The following ASB1 variants were observed in gnomAD, a reference collection of about 807,000 sequenced individuals.
ASB1 encodes ankyrin repeat and SOCS box protein 1.
ASB1 carries 18 observed loss-of-function variants against 27.7 expected under a neutral mutation model. The observed-to-expected ratio is 0.65, with a 90% CI of 0.45 to 0.96. The LOEUF is 0.96. Among genes scored for constraint, ASB1 ranks in the 50% least tolerant of loss-of-function variants. The pLI is 0.00. For missense variants in ASB1, 397 were observed against 451.7 expected, an observed-to-expected ratio of 0.88 and a Z score of 1.10; for synonymous variants, 189 against 187.6, an observed-to-expected ratio of 1.01 and a Z score of -0.06.
At chr2:238,431,737 AG>A (rs1378159598) in intron 1 of ASB1, among the ~76,000 whole-genome samples, 1 of 150,416 alleles carries the variant, frequency 6.6e-6, no homozygotes. Context: ...GGGAACAGGG[AG>A]GCCTGAGGAG....
intron 3 of ASB1, among the ~76,000 whole-genome samples, chr2:238,437,587 A>G (rs1235085705): frequency 6.7e-6 from 1 of 149,616 alleles, no homozygotes; most frequent in South Asian, 2.1e-4. Flanking sequence ...TTTCAACCAG[A>G]TTGTTTTTAT....
chr2:238,437,841 A>G (rs1428607527), intron 3 of ASB1, among the ~76,000 whole-genome samples: 7 of 152,188 alleles, frequency 4.6e-5, no homozygotes, highest in Admixed American at 4.6e-4. Context: ...TAAATTAGGT[A>G]CTGAGAATAT....
rs572072029 is a variant in ASB1, at chr2:238,435,843, C to T, written c.324C>T (p.Asp108=). The T allele has an allele frequency of 2.4e-5, 38 of 1,614,208 alleles. No homozygotes were observed. The East Asian group carries it at 4.2e-4, about 18-fold the overall frequency. ...IRKGAEVDLV[D]VKGQTALYVA... ...AGGGGGCCGAGGTGGATCTGGTGGA[C>T]GTAAAAGGACAGACGGCCCTGTATG... Residue 108 remains aspartate (D), a synonymous_variant, in exon 3 of 5, where the codon GAC becomes GAT. Coordinates refer to ENST00000264607, the MANE Select transcript of ASB1 (RefSeq NM_001040445.3).
At chr2:238,434,620 T>C (rs747828724) in intron 2 of ASB1, among the ~76,000 whole-genome samples, 8 of 152,276 alleles carry the variant, frequency 5.3e-5, no homozygotes, top group Admixed American at 1.3e-4. Context: ...AAAACAGATA[T>C]CAGTATTTAA....
intron 3 of ASB1, among the ~76,000 whole-genome samples, chr2:238,441,750 G>C (rs1426365295): frequency 6.6e-6 from 1 of 152,226 alleles, no homozygotes; most frequent in Non-Finnish European, 1.5e-5. Context: ...GTGGTTTACT[G>C]TCTCCAGCTG....
chr2:238,440,086 C>G (rs1394265845), intron 3 of ASB1, among the ~76,000 whole-genome samples: 1 of 152,134 alleles, frequency 6.6e-6, no homozygotes, highest in African/African-American at 2.4e-5. Context: ...TTAACATGAC[C>G]TTAGTCATTC....
At chr2:238,445,162 A>G (rs1046531096) in intron 4 of ASB1, among the ~76,000 whole-genome samples, 2 of 151,598 alleles carry the variant, frequency 1.3e-5, no homozygotes, top group Non-Finnish European at 2.9e-5. Context: ...GGTTTTTTGT[A>G]GAGATGAGGT....
At chr2:238,435,131 G>GAGC in intron 2 of ASB1, 1 of 153,044 alleles carries the variant, frequency 6.5e-6, no homozygotes, top group African/African-American at 2.4e-5. Flanking sequence ...CATCTGCCGA[G>GAGC]AGCTGAGTCT....
At position 238,433,699 on chromosome 2, in the gene ASB1, A is replaced by G; in HGVS notation, c.191+4A>G. 6.2e-7 allele frequency: 1 copy of G among 1,613,716 alleles called. No individual in the cohort carries two copies. Among genetic ancestry groups the G allele is most frequent in the Non-Finnish European group, 8.5e-7 (1 of 1,179,844 alleles). On this transcript the variant is annotated splice_donor_region_variant and intron_variant, in intron 2 of 4. Transcript: ENST00000264607. ...TGCAAGAGGAGAGCTACCGGAGGTGAGCGGCGCTGCCCAGGGCTGGTCCGG... is the reference window on the plus strand; with the variant it reads ...TGCAAGAGGAGAGCTACCGGAGGTGGGCGGCGCTGCCCAGGGCTGGTCCGG...
At chr2:238,442,727 A>G (rs1702102233) in intron 3 of ASB1, among the ~76,000 whole-genome samples, 1 of 152,200 alleles carries the variant, frequency 6.6e-6, no homozygotes, top group South Asian at 2.1e-4. Flanking sequence ...AGTATATGCT[A>G]TGGTGAATGG....
In ASB1 at chr2:238,446,610, G is replaced by A; in HGVS notation, c.*99G>A. On this transcript the variant is annotated 3_prime_UTR_variant, in exon 5 of 5. Coordinates refer to ENST00000264607, the MANE Select transcript of ASB1 (RefSeq NM_001040445.3). ...CTGTGCTGCTGCTGGTCTCCTGATG[G>A]CTGTTGCTGCAGAAGATGTCCTCGT... 1 of 1,472,626 alleles carries A rather than the reference G, an allele frequency of 6.8e-7. No individual in the cohort carries two copies. The highest frequency in any genetic ancestry group is 1.1e-5 in the South Asian group (1 of 87,724). The allele number at this position is 1,472,626 out of a possible 1,614,324, so 91.2% of individuals were successfully genotyped here.
In ASB1 at chr2:238,448,499, C is replaced by G. The variant is rs1329304048; in HGVS notation, c.*1988C>G. 6.6e-6 allele frequency: 1 copy of G among 152,316 alleles called. No individual in the cohort carries two copies. The highest frequency in any genetic ancestry group is 1.5e-5 in the Non-Finnish European group (1 of 68,100). The allele number at this position is 152,316 out of a possible 1,614,324, so 9.4% of individuals were successfully genotyped here. ...GTTTAGCTCCTCCCACCTCGAGGCT[C>G]TTCTTCCTGCCACCCTTTGGGCTCA... On this transcript the variant is annotated 3_prime_UTR_variant, in exon 5 of 5. Coordinates refer to ENST00000264607, the MANE Select transcript of ASB1 (RefSeq NM_001040445.3).
intron 3 of ASB1, among the ~76,000 whole-genome samples, chr2:238,438,687 T>C (rs1702020888): frequency 6.6e-6 from 1 of 152,228 alleles, no homozygotes; most frequent in Non-Finnish European, 1.5e-5. Context: ...AACAGTGATG[T>C]TTTCTGGAAA....
intron 2 of ASB1, 40 bp downstream of exon 2, chr2:238,433,735 C>T: frequency 1.2e-6 from 2 of 1,608,182 alleles, no homozygotes; most frequent in Non-Finnish European, 1.7e-6. Context: ...GTACTAGGGC[C>T]CTGAAGGTCT....
At chr2:238,427,289 C>A in intron 1 of ASB1, 170 bp downstream of exon 1, 1 of 415,442 alleles carries the variant, frequency 2.4e-6, no homozygotes, top group Non-Finnish European at 4.1e-6. Flanking sequence ...GCTCGCAGTG[C>A]TGGGCGACCC....
At position 238,449,718 on chromosome 2, in the gene ASB1, T is replaced by C. The variant is rs530997231; in HGVS notation, c.*3207T>C. 2 of 152,382 alleles carry C rather than the reference T, an allele frequency of 1.3e-5. No individual in the cohort carries two copies. The highest frequency in any genetic ancestry group is 4.1e-4 in the South Asian group (2 of 4,832). The allele number at this position is 152,382 out of a possible 1,614,324, so 9.4% of individuals were successfully genotyped here. A position where few individuals can be genotyped will look rare whatever the true frequency, so the allele number is the denominator to read the frequency against. ...GCAACAATGCTTGTTTTTTGGTGTT[T>C]TCTTTTGACATTTGAAAATTTAGTA... On this transcript the variant is annotated 3_prime_UTR_variant, in exon 5 of 5. Transcript: ENST00000264607.
intron 1 of ASB1, among the ~76,000 whole-genome samples, chr2:238,429,686 A>C (rs1701829043): frequency 6.6e-6 from 1 of 152,206 alleles, no homozygotes; most frequent in African/African-American, 2.4e-5. Flanking sequence ...TAATCCCAGC[A>C]CTTTGGGAGG....
chr2:238,444,213 C>T, intron 3 of ASB1, 129 bp from the exon 4 acceptor site: 2 of 979,840 alleles, frequency 2.0e-6, no homozygotes, highest in Non-Finnish European at 3.0e-6. Context: ...TGTGGAGTCT[C>T]CTACAGCGCC....
rs1167621942 is a variant in ASB1 at position 238,444,778 on chromosome 2, A to C, written c.880+51A>C. 5 of 1,516,392 alleles carry C rather than the reference A, an allele frequency of 3.3e-6. No individual in the cohort carries two copies. The East Asian group carries it at 6.8e-5, about 21-fold the overall frequency. 93.9% of individuals were successfully genotyped at this position (1,516,392 alleles called of 1,614,324 possible). ...CTTGTGGGCTGGGTTGATTGAATGA[A>C]TCAAGATGTAGCAATAAACAAAAAA... is the stretch of plus-strand genomic sequence containing the variant. On this transcript the variant is annotated intron_variant, in intron 4 of 4. Transcript: ENST00000264607.
Sources: gnomAD v4.1 joint callset for allele counts (sites outside exome capture counted in the v4.1 genomes callset) on GRCh38, gnomAD v4.1.1 for gene constraint, MANE v1.5 for transcripts, NCBI Gene and HGNC (gene_info 2026-07-23, HGNC 2026-07-21) for gene names.